The following ARHGAP20 variants were observed in gnomAD, a reference collection of about 807,000 sequenced individuals.
ARHGAP20 encodes Rho GTPase activating protein 20.
In ARHGAP20, 34 loss-of-function variants were observed where a neutral mutation model predicts 73.7. That is an observed-to-expected ratio of 0.46 (90% CI 0.35 to 0.61). ARHGAP20 has a LOEUF of 0.61. Among genes scored for constraint, ARHGAP20 ranks in the 20% least tolerant of loss-of-function variants. ARHGAP20 has a pLI of 0.00. For synonymous variants in ARHGAP20, 523 were observed against 518.2 expected (o/e 1.01, Z -0.13); for missense variants, 1,314 against 1,420.9 (o/e 0.92, Z 1.21).
At chr11:110,617,314 G>A (rs1948506444) in intron 4 of ARHGAP20, among the ~76,000 whole-genome samples, 1 of 148,434 alleles carries the variant, frequency 6.7e-6, no homozygotes, top group Non-Finnish European at 1.5e-5. Flanking sequence ...CCAGGATGAA[G>A]TGCAATGGCG....
chr11:110,619,332 G>A (rs1268513922), intron 4 of ARHGAP20, among the ~76,000 whole-genome samples: 1 of 149,866 alleles, frequency 6.7e-6, no homozygotes, highest in Non-Finnish European at 1.5e-5. Flanking sequence ...CAGTGATAGG[G>A]TATATGCAGT....
intron 2 of ARHGAP20, among the ~76,000 whole-genome samples, chr11:110,653,799 A>G (rs566612751): frequency 2.2e-4 from 33 of 152,332 alleles, no homozygotes; most frequent in Middle Eastern, 3.4e-3. Context: ...ACAATAACAA[A>G]GACATGGAAT....
intron 2 of ARHGAP20, among the ~76,000 whole-genome samples, chr11:110,637,010 T>G (rs988171786): frequency 1.3e-5 from 2 of 152,068 alleles, no homozygotes; most frequent in African/African-American, 2.4e-5. Context: ...GGAATTCACC[T>G]GTTGCTTGCT....
chr11:110,590,780 T>C lies in ARHGAP20; in HGVS notation c.1173A>G (p.Gly391=), dbSNP rs1179756869. The change falls in exon 11 of 15, where the codon GGA becomes GGG. Residue 391 remains glycine (G), a synonymous_variant. Coordinates refer to ENST00000683387, the MANE Select transcript of ARHGAP20 (RefSeq NM_001384657.1). ...GCCTGAAGATACCTTTGGTGAGAGG[T>C]CCTTTTTGATTAAGAAAGAAAAGCA... ...LDMLFFLNQK[G]PLTKGIFRQS... 2 of 1,613,492 alleles carry C rather than the reference T, an allele frequency of 1.2e-6. No homozygotes were observed. Among genetic ancestry groups the C allele is most frequent in the Middle Eastern group, 3.3e-4 (2 of 6,060 alleles).
intron 9 of ARHGAP20, among the ~76,000 whole-genome samples, chr11:110,595,681 G>C (rs1282138011): frequency 6.6e-6 from 1 of 152,146 alleles, no homozygotes; most frequent in Non-Finnish European, 1.5e-5. Context: ...ATGCTCATGG[G>C]TAAGAAGAAT....
intron 2 of ARHGAP20, among the ~76,000 whole-genome samples, chr11:110,688,379 A>G (rs192823692): frequency 6.6e-6 from 1 of 152,002 alleles, no homozygotes; most frequent in Admixed American, 6.5e-5. Context: ...GGGGAAGATG[A>G]CTGCTGGTTC....
chr11:110,656,740 T>C (rs1219888287), intron 2 of ARHGAP20, among the ~76,000 whole-genome samples: 2 of 152,190 alleles, frequency 1.3e-5, no homozygotes, highest in East Asian at 3.9e-4. Flanking sequence ...TGAGGTGGGC[T>C]CTCTTCCATC....
intron 4 of ARHGAP20, among the ~76,000 whole-genome samples, chr11:110,621,651 A>G (rs549736415): frequency 2.6e-5 from 4 of 151,510 alleles, no homozygotes; most frequent in Non-Finnish European, 5.9e-5. Flanking sequence ...CTATCTTTTT[A>G]TTAATTTAAA....
chr11:110,582,085 T>C (rs1212967442), intron 14 of ARHGAP20, among the ~76,000 whole-genome samples: 1 of 152,182 alleles, frequency 6.6e-6, no homozygotes, highest in African/African-American at 2.4e-5. Flanking sequence ...CACTAACTTA[T>C]TGAAGGCTGG....
intron 2 of ARHGAP20, among the ~76,000 whole-genome samples, chr11:110,640,937 T>C (rs1402504623): frequency 6.6e-6 from 1 of 152,082 alleles, no homozygotes; most frequent in East Asian, 1.9e-4. Context: ...TAGCTCATAG[T>C]CTGAATTATG....
chr11:110,637,884 G>A (rs1265273008), intron 2 of ARHGAP20, among the ~76,000 whole-genome samples: 1 of 152,098 alleles, frequency 6.6e-6, no homozygotes, highest in African/African-American at 2.4e-5. Context: ...GGAACAGCAT[G>A]TCAAATATGC....
chr11:110,614,468 C>G (rs1286319719), intron 6 of ARHGAP20, 93 bp downstream of exon 6: 1 of 1,130,810 alleles, frequency 8.8e-7, no homozygotes, highest in Non-Finnish European at 1.3e-6. Context: ...ACACAGTTAG[C>G]CTGCCTGCCT....
chr11:110,591,540 T>C lies in ARHGAP20; in HGVS notation c.1143+437A>G, dbSNP rs541484109. On this transcript the variant is annotated intron_variant, in intron 10 of 14. Coordinates refer to ENST00000683387, the MANE Select transcript of ARHGAP20 (RefSeq NM_001384657.1). ...AGTGGCTTTCATCTGACCCACTCTA[T>C]ATACAAAAGATAAATAAATGCCAGG... Among the ~76,000 whole-genome samples, 56 of 152,362 alleles carry C rather than the reference T, an allele frequency of 3.7e-4. 1 individual carries two copies. In the South Asian group the frequency reaches 0.012, roughly 32 times the overall value.
At chr11:110,597,956 G>A (rs1224716173) in intron 9 of ARHGAP20, among the ~76,000 whole-genome samples, 1 of 152,214 alleles carries the variant, frequency 6.6e-6, no homozygotes, top group Non-Finnish European at 1.5e-5. Context: ...AATGAGGGAT[G>A]TAAATGTAAA....
At chr11:110,696,080 TA>T (rs1310184129) in intron 1 of ARHGAP20, among the ~76,000 whole-genome samples, 2 of 151,596 alleles carry the variant, frequency 1.3e-5, no homozygotes, top group African/African-American at 4.8e-5. Context: ...AACCATATAT[TA>T]TATGATTTCA....
intron 1 of ARHGAP20, among the ~76,000 whole-genome samples, chr11:110,701,950 T>C (rs1223019044): frequency 6.6e-6 from 1 of 152,174 alleles, no homozygotes; most frequent in African/African-American, 2.4e-5. Flanking sequence ...ATATCTCTGT[T>C]TGGGTACCAG....
At chr11:110,685,417 G>T (rs1030073214) in intron 2 of ARHGAP20, among the ~76,000 whole-genome samples, 2 of 151,944 alleles carry the variant, frequency 1.3e-5, no homozygotes, top group Non-Finnish European at 1.5e-5. Context: ...TTCTCAGCAT[G>T]AAAGATGTCT....
chr11:110,711,906 C>T (rs1172719975), intron 1 of ARHGAP20: 26 of 1,267,732 alleles, frequency 2.1e-5, no homozygotes, highest in Non-Finnish European at 2.5e-5. Flanking sequence ...GAGACTAAGG[C>T]TCTAGAAACG....
chr11:110,711,255 T>C (rs1950647345), intron 1 of ARHGAP20, among the ~76,000 whole-genome samples: 1 of 152,114 alleles, frequency 6.6e-6, no homozygotes, highest in Admixed American at 6.5e-5. Context: ...AGTTGTCACC[T>C]GCATCCCTCT....
Sources: allele counts gnomAD v4.1 joint callset (sites outside exome capture counted in the v4.1 genomes callset), GRCh38; gene constraint gnomAD v4.1.1; transcripts MANE v1.5; gene names NCBI Gene and HGNC (gene_info 2026-07-23, HGNC 2026-07-21).